The following ATAD3A variants were observed in gnomAD, a reference collection of about 807,000 sequenced individuals.
ATAD3A encodes ATPase family AAA domain containing 3A.
Under a neutral mutation model 73.8 loss-of-function variants are expected in ATAD3A, and 46 were observed. The observed-to-expected ratio is 0.62, with a 90% CI of 0.49 to 0.80. The LOEUF is 0.80. ATAD3A is among the 30% of genes least tolerant of loss of function. The pLI is 0.00. For missense variants in ATAD3A, 705 were observed against 838.0 expected, an observed-to-expected ratio of 0.84 and a Z score of 1.96; for synonymous variants, 319 against 350.0, an observed-to-expected ratio of 0.91 and a Z score of 0.99.
At chr1:1,517,988 C>T (rs1027145901) in intron 4 of ATAD3A, among the ~76,000 whole-genome samples, 48 of 151,902 alleles carry the variant, frequency 3.2e-4, no homozygotes, top group Admixed American at 3.3e-4. Context: ...GAGACACAGG[C>T]ACCTACCCAC....
Position 1,529,709 on chromosome 1 carries a change from G to A in ATAD3A, c.1614+378G>A, listed in dbSNP as rs144698654. 2.6e-3 allele frequency among the ~76,000 whole-genome samples: 393 copies of A among 152,352 alleles called. 1 individual carries two copies. The highest frequency in any genetic ancestry group is 8.9e-3 in the African/African-American group (369 of 41,582). ...GGCCCCATGTGAGTTGGGGGTTCGG[G>A]GTGGAGGGACATTGTGTTTTCTGGA... On this transcript the variant is annotated intron_variant, in intron 15 of 15. Transcript: ENST00000378756.
intron 4 of ATAD3A, among the ~76,000 whole-genome samples, chr1:1,518,263 A>G (rs1465659833): frequency 6.7e-6 from 1 of 148,152 alleles, no homozygotes; most frequent in Admixed American, 6.7e-5. Flanking sequence ...AGATACGCAC[A>G]CACACACCAC....
chr1:1,534,439 T>C lies in ATAD3A; in HGVS notation c.*367T>C, dbSNP rs1261616026. 3 of 1,242,180 alleles carry C rather than the reference T, an allele frequency of 2.4e-6. No individual in the cohort carries two copies. Among genetic ancestry groups the C allele is most frequent in the Non-Finnish European group, 3.1e-6 (3 of 971,962 alleles). 76.9% of individuals were successfully genotyped at this position (1,242,180 alleles called of 1,614,324 possible). ...GCAGGAGCCAGGCAGGTGATGTCTT[T>C]GTTCTCGGCTCCCACAGCAGAGCCA... On this transcript the variant is annotated 3_prime_UTR_variant, in exon 16 of 16. Coordinates refer to ENST00000378756, the MANE Select transcript of ATAD3A (RefSeq NM_001170535.3).
intron 7 of ATAD3A, among the ~76,000 whole-genome samples, chr1:1,521,497 T>TCC (rs1360226318): frequency 2.0e-5 from 3 of 152,126 alleles, no homozygotes; most frequent in Non-Finnish European, 2.9e-5. Flanking sequence ...GTGTCCTCCG[T>TCC]CCCCACCCCG....
chr1:1,526,773 C>T (rs1249629922), intron 13 of ATAD3A, among the ~76,000 whole-genome samples: 4 of 152,248 alleles, frequency 2.6e-5, no homozygotes, highest in South Asian at 2.1e-4. Flanking sequence ...CGGCCCTGTG[C>T]GCCGCCGCCC....
At chr1:1,531,702 C>T (rs542690331) in intron 15 of ATAD3A, among the ~76,000 whole-genome samples, 50 of 151,858 alleles carry the variant, frequency 3.3e-4, no homozygotes, top group African/African-American at 1.1e-3. Context: ...GGCATGAACC[C>T]GGGAGGCAGA....
At position 1,524,271 on chromosome 1, in the gene ATAD3A, A is replaced by C. The variant is rs1314188405; in HGVS notation, c.1090-2A>C. The stretch of plus-strand genomic sequence containing the variant: ...CTGTCTCCCCTCACTCTTCCTGTCC[A>C]GAAACTCGCCCTGCACTCAGGCATG... On this transcript the variant is annotated splice_acceptor_variant, in intron 10 of 15. Coordinates refer to ENST00000378756, the MANE Select transcript of ATAD3A (RefSeq NM_001170535.3). LOFTEE classifies it high-confidence loss of function. The C allele has an allele frequency of 1.2e-6, 2 of 1,613,938 alleles. No individual in the cohort carries two copies. Among genetic ancestry groups the C allele is most frequent in the Non-Finnish European group, 8.5e-7 (1 of 1,179,832 alleles).
At position 1,523,749 on chromosome 1, in the gene ATAD3A, G is replaced by A. The variant is rs1641694277; in HGVS notation, c.964-90G>A. On this transcript the variant is annotated intron_variant, in intron 9 of 15. Coordinates refer to ENST00000378756, the MANE Select transcript of ATAD3A (RefSeq NM_001170535.3). This position sits in a 1 kb window ranked among gnomAD's most constrained non-coding sequence, Gnocchi z 5.1. ...GAGGTGGGAGGCTTCCCGAGGAGCC[G>A]AGTCTGCACCCAGGCATTCCCGCAG... 3.1e-6 allele frequency: 5 copies of A among 1,597,708 alleles called. No individual in the cohort carries two copies. The highest frequency in any genetic ancestry group is 2.6e-6 in the Non-Finnish European group (3 of 1,170,780).
intron 14 of ATAD3A, 110 bp from the exon 15 acceptor site, chr1:1,529,113 C>T: frequency 6.7e-7 from 1 of 1,502,126 alleles, no homozygotes; most frequent in Non-Finnish European, 9.0e-7. Flanking sequence ...AGAGCCCCTC[C>T]AAAGAGGATG....
chr1:1,512,750 G>C, intron 1 of ATAD3A: 1 of 1,115,238 alleles, frequency 9.0e-7, no homozygotes, highest in Non-Finnish European at 1.1e-6. Flanking sequence ...TCTGGGGCTG[G>C]CCGTGGTCTT....
chr1:1,527,683 C>A lies in ATAD3A; in HGVS notation c.1338-12C>A. ...CAGCCCCAGCATCCTCATCCTCATC[C>A]CCGCCCCGCAGGTTCATGCTGGTCC... On this transcript the variant is annotated splice_polypyrimidine_tract_variant and intron_variant, in intron 13 of 15. Transcript: ENST00000378756. 2 of 1,604,454 alleles carry A rather than the reference C, an allele frequency of 1.2e-6. No homozygotes were observed. The highest frequency in any genetic ancestry group is 1.7e-5 in the Admixed American group (1 of 59,296).
At chr1:1,527,564 C>T in intron 13 of ATAD3A, 131 bp from the exon 14 acceptor site, 4 of 1,285,354 alleles carry the variant, frequency 3.1e-6, no homozygotes, top group Non-Finnish European at 4.2e-6. Context: ...GGTGGCCGAC[C>T]AGGGCTGTGC....
chr1:1,521,409 T>A (rs912121258), intron 7 of ATAD3A, among the ~76,000 whole-genome samples: 15 of 151,766 alleles, frequency 9.9e-5, no homozygotes, highest in African/African-American at 3.2e-4. Flanking sequence ...GTTCACAGAT[T>A]CTTCTCTCGT....
Position 1,523,902 on chromosome 1 carries a change from A to T in ATAD3A, c.1027A>T (p.Ser343Cys). The change falls in exon 10 of 16, where the codon AGC becomes TGC. Residue 343 changes from serine (S) to cysteine (C), a missense_variant. Transcript: ENST00000378756. This position sits in a 1 kb window ranked among gnomAD's most constrained non-coding sequence, Gnocchi z 5.1. Reference protein sequence around the residue: ...IATRNTKKNRSLYRNILMYGP... With the variant: ...IATRNTKKNRCLYRNILMYGP... ...AACAAGGAACACCAAGAAGAACCGC[A>T]GCCTGTACAGGAACATCCTGATGTA... 6.2e-7 allele frequency: 1 copy of T among 1,613,994 alleles called. No individual in the cohort carries two copies. Among genetic ancestry groups the T allele is most frequent in the Non-Finnish European group, 8.5e-7 (1 of 1,179,986 alleles).
intron 13 of ATAD3A, 21 bp from the exon 14 acceptor site, chr1:1,527,671 CTCA>C: frequency 6.3e-7 from 1 of 1,596,192 alleles, no homozygotes; most frequent in Admixed American, 1.7e-5. Flanking sequence ...CCCCAGCATC[CTCA>C]TCCTCATCCC....
At chr1:1,518,787 G>T (rs546039931) in intron 4 of ATAD3A, 134 bp from the exon 5 acceptor site, 7 of 1,533,832 alleles carry the variant, frequency 4.6e-6, no homozygotes, top group African/African-American at 1.4e-5. Context: ...GTCACCCCCC[G>T]CAAACGGGCA....
At chr1:1,516,796 C>T (rs1179863961) in intron 2 of ATAD3A, among the ~76,000 whole-genome samples, 3 of 151,948 alleles carry the variant, frequency 2.0e-5, no homozygotes, top group Non-Finnish European at 2.9e-5. Flanking sequence ...CAGCTCACCG[C>T]AACCTCTACC....
chr1:1,534,563 C>T lies in ATAD3A; in HGVS notation c.*491C>T. The T allele has an allele frequency of 3.3e-6, 1 of 306,358 alleles. No individual in the cohort carries two copies. Among genetic ancestry groups the T allele is most frequent in the Non-Finnish European group, 5.4e-6 (1 of 186,312 alleles). 19.0% of individuals were successfully genotyped at this position (306,358 alleles called of 1,614,324 possible). On this transcript the variant is annotated 3_prime_UTR_variant, in exon 16 of 16. Coordinates refer to ENST00000378756, the MANE Select transcript of ATAD3A (RefSeq NM_001170535.3). ...CCCCGATCTTTCACACACTGGTGAC[C>T]CTGAGAGAGGAGGGAGGAGGGAACC... is the stretch of plus-strand genomic sequence containing the variant.
rs1486167634 is a variant in ATAD3A at position 1,515,024 on chromosome 1, C to T, written c.206-988C>T. The stretch of plus-strand genomic sequence containing the variant: ...AAGTAGCTGAGATCACAGGCGTGCA[C>T]CACTGTGCCCTGCTCTTTTTTTGTC... On this transcript the variant is annotated intron_variant, in intron 1 of 15. Transcript: ENST00000378756. Among the ~76,000 whole-genome samples, 3 of 152,288 alleles carry T rather than the reference C, an allele frequency of 2.0e-5. No homozygotes were observed. In the South Asian group the frequency reaches 6.2e-4, roughly 32 times the overall value.
Sources: gnomAD v4.1 joint callset for allele counts (sites outside exome capture counted in the v4.1 genomes callset) on GRCh38, gnomAD v4.1.1 for gene constraint, Gnocchi (gnomAD v3.1) non-coding constraint, MANE v1.5 for transcripts, NCBI Gene and HGNC (gene_info 2026-07-23, HGNC 2026-07-21) for gene names.